Variants in PTPRG observed in about 807,000 individuals in gnomAD.
The protein encoded by PTPRG is protein tyrosine phosphatase receptor type G, also known as receptor-type tyrosine-protein phosphatase gamma.
In PTPRG, 102 loss-of-function variants were observed where a neutral mutation model predicts 165.3. The ratio of observed to expected loss-of-function variants is 0.62; its 90% CI spans 0.53 to 0.73. The LOEUF (loss-of-function observed/expected upper bound fraction) is 0.73. PTPRG is among the 30% of genes least tolerant of loss of function. The pLI, the probability that PTPRG is intolerant of heterozygous loss-of-function variation, is 0.00. For missense variants in PTPRG, 1,866 were observed against 1,861.4 expected (o/e 1.00, Z -0.05); for synonymous variants, 675 against 669.5 (o/e 1.01, Z -0.13).
chr3:61,682,632 C>G (rs1559555571), intron 1 of PTPRG, among the ~76,000 whole-genome samples: 1 of 152,166 alleles, frequency 6.6e-6, no homozygotes, highest in Non-Finnish European at 1.5e-5. Flanking sequence ...GTTCTTCTTT[C>G]CCACCCCTCA....
intron 2 of PTPRG, among the ~76,000 whole-genome samples, chr3:61,791,382 A>T (rs2034861736): frequency 6.6e-6 from 1 of 152,242 alleles, no homozygotes; most frequent in Non-Finnish European, 1.5e-5. Flanking sequence ...CAAACTTACC[A>T]AGTGACTTTA....
intron 2 of PTPRG, among the ~76,000 whole-genome samples, chr3:61,927,577 T>A (rs2039253533): frequency 6.6e-6 from 1 of 152,212 alleles, no homozygotes; most frequent in African/African-American, 2.4e-5. Context: ...CTGGCTGAGT[T>A]TTGAGAAGTG....
intron 2 of PTPRG, among the ~76,000 whole-genome samples, chr3:61,879,960 A>T (rs1184251408): frequency 6.6e-6 from 1 of 152,232 alleles, no homozygotes; most frequent in African/African-American, 2.4e-5. Flanking sequence ...TGTCTTCACT[A>T]CAGCCTATGG....
chr3:61,820,340 T>C (rs2035913870), intron 2 of PTPRG, among the ~76,000 whole-genome samples: 1 of 152,098 alleles, frequency 6.6e-6, no homozygotes. Flanking sequence ...CCTCTGCCTT[T>C]TTGTTCTATT....
chr3:62,219,456 T>A lies in PTPRG; in HGVS notation c.2288+473T>A, dbSNP rs1319111250. 6.6e-6 allele frequency among the ~76,000 whole-genome samples: 1 copy of A among 152,242 alleles called. No homozygotes were observed. The highest frequency in any genetic ancestry group is 1.5e-5 in the Non-Finnish European group (1 of 68,048). ...AATTAAATTGGGTGATAGGAAAACA[T>A]TTAGCATATTATGTGGTATTTAATA... On this transcript the variant is annotated intron_variant, in intron 13 of 29. Transcript: ENST00000474889. The surrounding 1 kb of genome is among the most constrained non-coding windows in gnomAD (Gnocchi z 4.5).
intron 1 of PTPRG, among the ~76,000 whole-genome samples, chr3:61,598,010 C>CT (rs1391991293): frequency 6.6e-6 from 1 of 152,106 alleles, no homozygotes; most frequent in African/African-American, 2.4e-5. Flanking sequence ...GGGGCACTGG[C>CT]TATGGGAAGG....
Position 61,879,809 on chromosome 3 carries a change from G to T in PTPRG, c.191-109816G>T, listed in dbSNP as rs1464510622. 5.9e-5 allele frequency among the ~76,000 whole-genome samples: 9 copies of T among 152,190 alleles called. No homozygotes were observed. In the East Asian group the frequency reaches 1.7e-3, roughly 29 times the overall value. On this transcript the variant is annotated intron_variant, in intron 2 of 29. Transcript: ENST00000474889. ...TTCTTGCTTTCCTAATGGATTTTAG[G>T]GTTTATATCCTTCTACTATCTGTAT...
At chr3:62,103,757 A>G (rs1422493522) in intron 5 of PTPRG, among the ~76,000 whole-genome samples, 1 of 152,226 alleles carries the variant, frequency 6.6e-6, no homozygotes, top group Non-Finnish European at 1.5e-5. Context: ...CTGGGGCAGC[A>G]TCCATGGACG....
chr3:62,204,358 CTA>C (rs1489504054), intron 12 of PTPRG, among the ~76,000 whole-genome samples: 1 of 152,106 alleles, frequency 6.6e-6, no homozygotes, highest in African/African-American at 2.4e-5. Context: ...CCAGGGGATC[CTA>C]GTCCCTGCCT....
chr3:62,163,244 G>A (rs1285201866), intron 7 of PTPRG, among the ~76,000 whole-genome samples: 1 of 151,812 alleles, frequency 6.6e-6, no homozygotes, highest in Non-Finnish European at 1.5e-5. Context: ...AACTATATCA[G>A]TGACCTTGGG....
chr3:61,995,281 G>T lies in PTPRG; in HGVS notation c.370+5477G>T, dbSNP rs189886967. ...TTTTTGTATTTTTAGTAGAAACAGG[G>T]TTTCTCCATGTTGGCCAGGCTGGTC... is the stretch of plus-strand genomic sequence containing the variant. On this transcript the variant is annotated intron_variant, in intron 3 of 29. Coordinates refer to ENST00000474889, the MANE Select transcript of PTPRG (RefSeq NM_002841.4). Among the ~76,000 whole-genome samples, 253 of 151,804 alleles carry T rather than the reference G, an allele frequency of 1.7e-3. 2 individuals carry two copies. Among genetic ancestry groups the T allele is most frequent in the African/African-American group, 5.8e-3 (242 of 41,396 alleles).
chr3:62,056,899 C>T (rs1257480980), intron 4 of PTPRG, among the ~76,000 whole-genome samples: 1 of 152,150 alleles, frequency 6.6e-6, no homozygotes, highest in Admixed American at 6.5e-5. Flanking sequence ...GGCTCTATGT[C>T]ATTCATGGAC....
chr3:61,628,993 C>A (rs1008717286), intron 1 of PTPRG, among the ~76,000 whole-genome samples: 10 of 152,100 alleles, frequency 6.6e-5, no homozygotes, highest in Non-Finnish European at 1.2e-4. Context: ...GGCTGTTTTT[C>A]AGTGAAACGT....
intron 2 of PTPRG, among the ~76,000 whole-genome samples, chr3:61,939,944 T>G (rs1049841101): frequency 1.6e-4 from 18 of 115,342 alleles, no homozygotes; most frequent in South Asian, 3.7e-4. Context: ...TTTTTTTTTT[T>G]TTTTTTTTTT....
chr3:61,626,979 A>G (rs1701627882), intron 1 of PTPRG, among the ~76,000 whole-genome samples: 3 of 152,192 alleles, frequency 2.0e-5, no homozygotes, highest in South Asian at 4.1e-4. Context: ...TGTTATATCC[A>G]ATTTATGTAT....
At chr3:61,808,150 G>A (rs1196195348) in intron 2 of PTPRG, among the ~76,000 whole-genome samples, 2 of 152,170 alleles carry the variant, frequency 1.3e-5, no homozygotes, top group African/African-American at 4.8e-5. Context: ...TGGACCTTTT[G>A]TGTGTGTAAC....
chr3:61,989,562 AT>A (rs2040834664), intron 2 of PTPRG, 62 bp from the exon 3 acceptor site: 1 of 1,506,086 alleles, frequency 6.6e-7, no homozygotes, highest in African/African-American at 1.4e-5. Flanking sequence ...GCTTCCTAAG[AT>A]TTATTCATTT....
intron 5 of PTPRG, among the ~76,000 whole-genome samples, chr3:62,117,271 T>C (rs1443098091): frequency 6.6e-6 from 1 of 152,252 alleles, no homozygotes; most frequent in African/African-American, 2.4e-5. Flanking sequence ...AAAGGGGACT[T>C]TTCCCAGCTA....
intron 4 of PTPRG, among the ~76,000 whole-genome samples, chr3:62,023,573 C>A (rs2041746108): frequency 6.6e-6 from 1 of 152,096 alleles, no homozygotes; most frequent in South Asian, 2.1e-4. Context: ...CCTCTCTAGC[C>A]ATCATCCTTG....
Sources: allele counts gnomAD v4.1 joint callset (sites outside exome capture counted in the v4.1 genomes callset), GRCh38; gene constraint gnomAD v4.1.1; non-coding constraint Gnocchi (gnomAD v3.1); transcripts MANE v1.5; gene names NCBI Gene and HGNC (gene_info 2026-07-23, HGNC 2026-07-21).